UNC79: variants seen among roughly 807,000 people sequenced by gnomAD.
UNC79 encodes unc-79 subunit of NALCN channel complex, also known as protein unc-79 homolog.
UNC79 carries 37 observed loss-of-function variants against 283.1 expected under a neutral mutation model. The ratio of observed to expected loss-of-function variants is 0.13; its 90% CI spans 0.10 to 0.17. The LOEUF is 0.17. Among genes scored for constraint, UNC79 ranks in the 10% least tolerant of loss-of-function variants. The pLI, the probability that UNC79 is intolerant of heterozygous loss-of-function variation, is 1.00. For synonymous variants in UNC79, 1,107 were observed against 1,200.2 expected (o/e 0.92, Z 1.61); for missense variants, 2,272 against 3,211.1 (o/e 0.71, Z 7.07).
intron 24 of UNC79, among the ~76,000 whole-genome samples, chr14:93,599,380 G>GTGTA (rs1275428937): frequency 1.3e-5 from 2 of 151,620 alleles, no homozygotes; most frequent in South Asian, 2.1e-4. Flanking sequence ...GTGTGTGTGT[G>GTGTA]TGTGTATGTG....
intron 25 of UNC79, among the ~76,000 whole-genome samples, chr14:93,601,173 A>C (rs1296812174): frequency 6.6e-6 from 1 of 152,114 alleles, no homozygotes; most frequent in African/African-American, 2.4e-5. Context: ...CTTTAGTGGT[A>C]ATTTCTGAGA....
At chr14:93,613,650 G>A (rs1392760976) in intron 27 of UNC79, among the ~76,000 whole-genome samples, 2 of 152,028 alleles carry the variant, frequency 1.3e-5, no homozygotes, top group East Asian at 1.9e-4. Flanking sequence ...TCCTGACCTC[G>A]TGATCCGCCC....
At chr14:93,412,625 T>C (rs889915217) in intron 1 of UNC79, among the ~76,000 whole-genome samples, 3 of 152,044 alleles carry the variant, frequency 2.0e-5, no homozygotes, top group Non-Finnish European at 2.9e-5. Flanking sequence ...GCAGTCTTCT[T>C]TGGGTTAAAT....
At chr14:93,424,728 G>T (rs1227286797) in intron 1 of UNC79, among the ~76,000 whole-genome samples, 1 of 151,756 alleles carries the variant, frequency 6.6e-6, no homozygotes, top group East Asian at 1.9e-4. Context: ...TAGTGGGGGT[G>T]GAGGGGCAAT....
intron 25 of UNC79, among the ~76,000 whole-genome samples, chr14:93,601,614 G>A (rs1351321361): frequency 6.6e-6 from 1 of 152,176 alleles, no homozygotes; most frequent in East Asian, 1.9e-4. Context: ...TCTGGGTAGA[G>A]ACCCAGTAGT....
At chr14:93,504,274 C>CTTT (rs3993821) in intron 7 of UNC79, among the ~76,000 whole-genome samples, 1 of 144 alleles carries the variant, frequency 6.9e-3, no homozygotes, top group Non-Finnish European at 0.015. Context: ...CCTCCTCCTC[C>CTTT]ATTTCTTCCT....
intron 33 of UNC79, 123 bp downstream of exon 36, chr14:93,641,370 A>G (rs1166391654): frequency 2.3e-6 from 2 of 870,086 alleles, no homozygotes; most frequent in African/African-American, 3.3e-5. Flanking sequence ...CCTCCAGTAT[A>G]TTGCCTGGCA....
In UNC79 at chr14:93,527,735, C is replaced by T. The variant is rs994579493; in HGVS notation, c.964-823C>T. ...CTAGCACATGAATTGATTATTTTTT[C>T]GAGGGTAGAAACAGAATTCAAAATG... On this transcript the variant is annotated intron_variant, in intron 8 of 48. Coordinates refer to ENST00000555664, the Ensembl canonical transcript of UNC79. 9.2e-5 allele frequency among the ~76,000 whole-genome samples: 14 copies of T among 151,868 alleles called. No homozygotes were observed. In the South Asian group the frequency reaches 2.1e-3, roughly 23 times the overall value.
In UNC79 at chr14:93,688,848, C is replaced by G. The variant is rs751255596; in HGVS notation, c.7085+8C>G. On this transcript the variant is annotated splice_region_variant and intron_variant, in intron 44 of 48. Transcript: ENST00000555664. This position sits in a 1 kb window ranked among gnomAD's most constrained non-coding sequence, Gnocchi z 4.0. ...CTCTGCAATGCAGCAAGGGTAAGAC[C>G]CTTACTATTCCGGGAATGAGGGTAA... The G allele has an allele frequency of 1.7e-5, 28 of 1,610,072 alleles. No homozygotes were observed. Among genetic ancestry groups the G allele is most frequent in the East Asian group, 2.2e-5 (1 of 44,806 alleles).
chr14:93,632,009 C>T (rs1465213059), intron 31 of UNC79, among the ~76,000 whole-genome samples: 1 of 152,150 alleles, frequency 6.6e-6, no homozygotes, highest in Non-Finnish European at 1.5e-5. Context: ...TCAACACATG[C>T]GTGATAGATG....
chr14:93,479,806 A>C (rs1271312972), intron 4 of UNC79, among the ~76,000 whole-genome samples: 1 of 151,954 alleles, frequency 6.6e-6, no homozygotes, highest in Non-Finnish European at 1.5e-5. Context: ...TAATTAAAAA[A>C]ATTTTTTTGT....
At chr14:93,492,436 C>T (rs1003892301) in intron 5 of UNC79, among the ~76,000 whole-genome samples, 2 of 152,192 alleles carry the variant, frequency 1.3e-5, no homozygotes, top group Non-Finnish European at 2.9e-5. Context: ...TCACTGCAAC[C>T]TCTGCCTCCT....
At chr14:93,643,506 G>C in intron 33 of UNC79, 51 bp from the exon 37 acceptor site, 1 of 1,612,842 alleles carries the variant, frequency 6.2e-7, no homozygotes, top group South Asian at 1.1e-5. Context: ...ATTATATCTT[G>C]AGACCATGGT....
At chr14:93,348,223 TGTG>T (rs2053909365) in intron 1 of UNC79, 1 of 706,634 alleles carries the variant, frequency 1.4e-6, no homozygotes, top group South Asian at 1.6e-5. Flanking sequence ...ATGCAACCAT[TGTG>T]GTATTCACTT....
intron 24 of UNC79, among the ~76,000 whole-genome samples, chr14:93,598,365 CGTGTGTGTGTGTGTGTGT>C (rs71301930): frequency 3.1e-5 from 2 of 64,018 alleles, no homozygotes; most frequent in Non-Finnish European, 4.2e-5. Flanking sequence ...TATTGCATAA[CGTGTGTGTGTGTGTGTGT>C]GTGTGTGTGT....
chr14:93,690,483 T>G lies in UNC79; in HGVS notation c.7272+180T>G. 2 of 610,790 alleles carry G rather than the reference T, an allele frequency of 3.3e-6. No individual in the cohort carries two copies. The highest frequency in any genetic ancestry group is 2.5e-6 in the Non-Finnish European group (1 of 394,300). The allele number at this position is 610,790 out of a possible 1,614,324, so 37.8% of individuals were successfully genotyped here. A position where few individuals can be genotyped will look rare whatever the true frequency, so the allele number is the denominator to read the frequency against. ...AGTTGTTTAGATTCCCAGACTGTCT[T>G]TCCCCCCGCCCCCAAATTGTTTTTC... On this transcript the variant is annotated intron_variant, in intron 45 of 48. Coordinates refer to ENST00000555664, the Ensembl canonical transcript of UNC79. The surrounding 1 kb of genome is among the most constrained non-coding windows in gnomAD (Gnocchi z 4.3).
At chr14:93,675,341 A>C (rs533588884) in intron 41 of UNC79, among the ~76,000 whole-genome samples, 3 of 152,356 alleles carry the variant, frequency 2.0e-5, no homozygotes, top group African/African-American at 7.2e-5. Flanking sequence ...CTTATGAAGC[A>C]TTATGAGGCC....
chr14:93,621,898 G>T lies in UNC79; in HGVS notation c.4665G>T (p.Arg1555Ser). 1 of 1,614,088 alleles carries T rather than the reference G, an allele frequency of 6.2e-7. No homozygotes were observed. Residue 1555 changes from arginine to serine, a missense_variant, in exon 30 of 49, where the codon AGG becomes AGT. By Grantham distance (110) the Arg-to-Ser change is moderately radical. Coordinates refer to ENST00000555664, the Ensembl canonical transcript of UNC79. This position sits in a 1 kb window ranked among gnomAD's most constrained non-coding sequence, Gnocchi z 4.8. ...GTTCTAGACAGAACTCTGCTACGAGGCCTGACAATAGTGAAATCCCCGAGA... is the reference window on the plus strand; with the variant it reads ...GTTCTAGACAGAACTCTGCTACGAGTCCTGACAATAGTGAAATCCCCGAGA...
chr14:93,671,642 C>T (rs754106765), intron 40 of UNC79, among the ~76,000 whole-genome samples: 3 of 152,042 alleles, frequency 2.0e-5, no homozygotes, highest in Non-Finnish European at 4.4e-5. Flanking sequence ...CATGATGGCA[C>T]ATGTCTGTAA....
Sources: gnomAD v4.1 joint callset for allele counts (sites outside exome capture counted in the v4.1 genomes callset) on GRCh38, gnomAD v4.1.1 for gene constraint, Gnocchi (gnomAD v3.1) non-coding constraint, MANE v1.5 for transcripts, NCBI Gene and HGNC (gene_info 2026-07-23, HGNC 2026-07-21) for gene names.